Variants in GRIA4 observed in about 807,000 individuals in gnomAD.
GRIA4 encodes the protein glutamate ionotropic receptor AMPA type subunit 4, also known as glutamate receptor 4.
In GRIA4, 34 loss-of-function variants were observed where a neutral mutation model predicts 104.0. The ratio of observed to expected loss-of-function variants is 0.33; its 90% CI spans 0.25 to 0.44. The LOEUF is 0.44. Among genes scored for constraint, GRIA4 ranks in the 20% least tolerant of loss-of-function variants. The pLI, the probability that GRIA4 is intolerant of heterozygous loss-of-function variation, is 1.00. For missense variants in GRIA4, 750 were observed against 1,096.5 expected (o/e 0.68, Z 4.46); for synonymous variants, 386 against 381.9 (o/e 1.01, Z -0.13).
chr11:105,933,301 A>G (rs1947936621), intron 13 of GRIA4, among the ~76,000 whole-genome samples: 1 of 152,162 alleles, frequency 6.6e-6, no homozygotes, highest in African/African-American at 2.4e-5. Flanking sequence ...TAAATAAAAT[A>G]CAGTATTAAA....
intron 13 of GRIA4, 133 bp downstream of exon 13, chr11:105,927,072 A>C (rs1229666170): frequency 1.6e-6 from 1 of 628,908 alleles, no homozygotes; most frequent in Non-Finnish European, 2.8e-6. Flanking sequence ...GTTTAAGGCT[A>C]GTACTTCTAA....
chr11:105,928,637 G>T (rs1947786372), intron 13 of GRIA4, among the ~76,000 whole-genome samples: 1 of 151,932 alleles, frequency 6.6e-6, no homozygotes, highest in Admixed American at 6.6e-5. Flanking sequence ...GCTATCATTT[G>T]CACTTTACTG....
At chr11:105,668,397 A>G (rs1416839738) in intron 3 of GRIA4, among the ~76,000 whole-genome samples, 1 of 150,234 alleles carries the variant, frequency 6.7e-6, no homozygotes, top group Non-Finnish European at 1.5e-5. Flanking sequence ...CTATTCATCC[A>G]TTGATGGACA....
At chr11:105,686,366 C>T (rs1286516023) in intron 3 of GRIA4, among the ~76,000 whole-genome samples, 19 of 152,182 alleles carry the variant, frequency 1.2e-4, no homozygotes, top group Non-Finnish European at 2.6e-4. Context: ...AAGCTAGTGG[C>T]TTCCAGCTGC....
chr11:105,754,013 T>A (rs1188035054), intron 4 of GRIA4, among the ~76,000 whole-genome samples: 1 of 152,130 alleles, frequency 6.6e-6, no homozygotes, highest in South Asian at 2.1e-4. Context: ...GTAGGCATAA[T>A]TGATTACATC....
chr11:105,760,726 G>A (rs1940584328), intron 4 of GRIA4, among the ~76,000 whole-genome samples: 1 of 149,720 alleles, frequency 6.7e-6, no homozygotes, highest in Non-Finnish European at 1.5e-5. Flanking sequence ...GCCTATTCAT[G>A]TTTTTTTTTC....
chr11:105,723,275 A>G (rs1016569030), intron 3 of GRIA4, among the ~76,000 whole-genome samples: 5 of 152,126 alleles, frequency 3.3e-5, no homozygotes, highest in African/African-American at 9.7e-5. Flanking sequence ...TCTTTAAAAC[A>G]TTATTTTATT....
chr11:105,613,181 G>T (rs116165981), intron 3 of GRIA4: 1 of 151,910 alleles, frequency 6.6e-6, no homozygotes, highest in Admixed American at 6.6e-5. Context: ...ACCTAATGCC[G>T]TAAGAAAGCA....
chr11:105,635,924 A>G (rs1226131219), intron 3 of GRIA4, among the ~76,000 whole-genome samples: 1 of 152,228 alleles, frequency 6.6e-6, no homozygotes, highest in East Asian at 1.9e-4. Flanking sequence ...ATAGAAGATA[A>G]TCTCTGTAGC....
chr11:105,966,292 G>A (rs1412119842), intron 14 of GRIA4, among the ~76,000 whole-genome samples: 1 of 152,202 alleles, frequency 6.6e-6, no homozygotes, highest in East Asian at 1.9e-4. Flanking sequence ...TGCCTTTGAA[G>A]AAGTTGTGGA....
At chr11:105,783,952 G>T (rs758969366) in intron 4 of GRIA4, among the ~76,000 whole-genome samples, 3 of 152,078 alleles carry the variant, frequency 2.0e-5, no homozygotes, top group Non-Finnish European at 2.9e-5. Context: ...AAATGTAACC[G>T]AATTATTAGA....
intron 3 of GRIA4, among the ~76,000 whole-genome samples, chr11:105,749,899 TATC>T (rs1020896094): frequency 5.7e-4 from 87 of 152,344 alleles, no homozygotes; most frequent in African/African-American, 2.0e-3. Context: ...AGCAATCTAA[TATC>T]ATTGCATGTA....
chr11:105,832,242 A>T (rs1371016788), intron 4 of GRIA4, among the ~76,000 whole-genome samples: 1 of 151,994 alleles, frequency 6.6e-6, no homozygotes, highest in Admixed American at 6.6e-5. Flanking sequence ...GAGACAGAGC[A>T]GTAAAAGCCA....
intron 14 of GRIA4, among the ~76,000 whole-genome samples, chr11:105,939,915 C>A (rs2136222562): frequency 6.6e-6 from 1 of 152,262 alleles, no homozygotes; most frequent in East Asian, 1.9e-4. Context: ...GAAGGAGGAA[C>A]CATTACCTTC....
intron 10 of GRIA4, among the ~76,000 whole-genome samples, chr11:105,911,332 G>A (rs1397007158): frequency 6.6e-6 from 1 of 151,944 alleles, no homozygotes; most frequent in East Asian, 1.9e-4. Context: ...CTCTTCTAAA[G>A]TCAAACATGC....
At position 105,687,652 on chromosome 11, in the gene GRIA4, A is replaced by T. The variant is rs1338235022; in HGVS notation, c.248-65329A>T. On this transcript the variant is annotated intron_variant, in intron 3 of 16. Coordinates refer to ENST00000282499, the MANE Select transcript of GRIA4 (RefSeq NM_000829.4). ...TCTATAGATATAAAGCATCTTGGACAGTGACATAGTTCTCAGAATTATGAC... is the reference window on the plus strand; with the variant it reads ...TCTATAGATATAAAGCATCTTGGACTGTGACATAGTTCTCAGAATTATGAC... 1.3e-5 allele frequency among the ~76,000 whole-genome samples: 2 copies of T among 152,218 alleles called. 1 individual carries two copies. The highest frequency in any genetic ancestry group is 6.3e-3 in the Middle Eastern group (2 of 316).
At chr11:105,653,187 AG>A (rs1951733213) in intron 3 of GRIA4, among the ~76,000 whole-genome samples, 2 of 152,216 alleles carry the variant, frequency 1.3e-5, no homozygotes, top group African/African-American at 4.8e-5. Context: ...CTGGGATTAC[AG>A]GCGTCAGCCA....
At chr11:105,693,762 A>C (rs565517327) in intron 3 of GRIA4, among the ~76,000 whole-genome samples, 1 of 152,326 alleles carries the variant, frequency 6.6e-6, no homozygotes, top group African/African-American at 2.4e-5. Context: ...CTTGAGAAAT[A>C]TCTACAGCAC....
In GRIA4 at chr11:105,979,630, T is replaced by A. The variant is rs1055281802; in HGVS notation, c.2600T>A (p.Val867Glu). The A allele has an allele frequency of 6.2e-7, 1 of 1,613,626 alleles. No homozygotes were observed. Among genetic ancestry groups the A allele is most frequent in the African/African-American group, 1.3e-5 (1 of 75,006 alleles). ...NKARLSITGS[V>E]GENGRVLTPD... is the part of the protein sequence containing the mutation. ...GCCAGATTATCCATCACTGGGAGTG[T>A]GGGAGAGAATGGCCGCGTCTTGACG... Residue 867 changes from valine to glutamate, a missense_variant, in exon 17 of 17, where the codon GTG becomes GAG. By Grantham distance (121) the Val-to-Glu change is moderately radical. This residue lies in a region of GRIA4 where 68 missense variants were observed against 69.3 expected (regional missense o/e 0.98). Transcript: ENST00000282499.
Sources: allele counts gnomAD v4.1 joint callset (sites outside exome capture counted in the v4.1 genomes callset), GRCh38; gene constraint gnomAD v4.1.1; regional missense constraint gnomAD v4.1.1; transcripts MANE v1.5; gene names NCBI Gene and HGNC (gene_info 2026-07-23, HGNC 2026-07-21).